Variants in NFATC2 observed in about 807,000 individuals in gnomAD.
NFATC2 encodes the protein nuclear factor of activated T-cells, cytoplasmic 2.
A neutral mutation model predicts 87.3 loss-of-function variants in NFATC2; 22 were observed. That is an observed-to-expected ratio of 0.25 (90% CI 0.18 to 0.36). The LOEUF is 0.36. Among genes scored for constraint, NFATC2 ranks in the 10% least tolerant of loss-of-function variants. The pLI is 1.00. For missense variants in NFATC2, 1,149 were observed against 1,259.1 expected (o/e 0.91, Z 1.32); for synonymous variants, 565 against 542.2 (o/e 1.04, Z -0.58).
intron 3 of NFATC2, among the ~76,000 whole-genome samples, chr20:51,503,647 G>C (rs1444108874): frequency 6.6e-6 from 1 of 152,190 alleles, no homozygotes; most frequent in African/African-American, 2.4e-5. Flanking sequence ...ATGCTTGGGG[G>C]TGTCAACAGC....
At position 51,524,113 on chromosome 20, in the gene NFATC2, G is replaced by A. The variant is rs749527703; in HGVS notation, c.131-3C>T. On this transcript the variant is annotated splice_polypyrimidine_tract_variant and splice_region_variant and intron_variant, in intron 1 of 10. Coordinates refer to ENST00000371564, the MANE Select transcript of NFATC2 (RefSeq NM_012340.5). This position sits in a 1 kb window ranked among gnomAD's most constrained non-coding sequence, Gnocchi z 4.0. ...GACCTTATGTGCATTCGGCTCTTCTGGAAAGAGAAGGGGGAAGGGGGTTCT... is the reference window on the plus strand; with the variant it reads ...GACCTTATGTGCATTCGGCTCTTCTAGAAAGAGAAGGGGGAAGGGGGTTCT... 1.4e-6 allele frequency: 2 copies of A among 1,451,008 alleles called. No individual in the cohort carries two copies. The highest frequency in any genetic ancestry group is 3.2e-5 in the South Asian group (2 of 61,932). 89.9% of individuals were successfully genotyped at this position (1,451,008 alleles called of 1,614,324 possible). A position where few individuals can be genotyped will look rare whatever the true frequency, so the allele number is the denominator to read the frequency against.
chr20:51,522,041 G>A lies in NFATC2; in HGVS notation c.1160+1040C>T, dbSNP rs1007194884. On this transcript the variant is annotated intron_variant, in intron 2 of 10. Transcript: ENST00000371564. ...GTATTCTAAGGTATGATCATCTAGA[G>A]ATGATGTAATGTATATGGGAGGATG... is the stretch of plus-strand genomic sequence containing the variant. Among the ~76,000 whole-genome samples the A allele has an allele frequency of 3.9e-5, 6 of 152,176 alleles. No homozygotes were observed. The East Asian group carries it at 1.2e-3, about 29-fold the overall frequency.
At chr20:51,392,681 A>G (rs868066024) in intron 10 of NFATC2, among the ~76,000 whole-genome samples, 1 of 152,110 alleles carries the variant, frequency 6.6e-6, no homozygotes, top group Non-Finnish European at 1.5e-5. Flanking sequence ...CCTGGTTCTG[A>G]CACTGAATTC....
At chr20:51,557,244 A>G (rs1339944861) in intron 1 of NFATC2, among the ~76,000 whole-genome samples, 1 of 152,192 alleles carries the variant, frequency 6.6e-6, no homozygotes, top group African/African-American at 2.4e-5. Context: ...CTTAGGGTAC[A>G]CATCCAGTAG....
intron 9 of NFATC2, among the ~76,000 whole-genome samples, chr20:51,403,073 G>C (rs1008718628): frequency 6.6e-6 from 1 of 152,242 alleles, no homozygotes; most frequent in South Asian, 2.1e-4. Flanking sequence ...ACATTCTCCC[G>C]AAGCCCAACT....
Position 51,523,666 on chromosome 20 carries a change from G to T in NFATC2, c.575C>A (p.Ser192Ter). ...TFSPYTSPCV[S>*]PNNGGPDDLC... ...GTCGTCGGGCCCGCCGTTATTGGGC[G>T]AGACGCAGGGCGAGGTGTAGGGGGA... is the stretch of plus-strand genomic sequence containing the variant. The change falls in exon 2 of 11, where the codon TCG becomes TAG. Residue 192 changes from serine to a stop codon, truncating the protein, a stop_gained. Coordinates refer to ENST00000371564, the MANE Select transcript of NFATC2 (RefSeq NM_012340.5). LOFTEE classifies it high-confidence loss of function. The surrounding 1 kb of genome is among the most constrained non-coding windows in gnomAD (Gnocchi z 6.9). The T allele has an allele frequency of 6.2e-7, 1 of 1,613,892 alleles. No homozygotes were observed. Among genetic ancestry groups the T allele is most frequent in the Non-Finnish European group, 8.5e-7 (1 of 1,179,862 alleles).
chr20:51,465,195 C>A (rs576298040), intron 5 of NFATC2, among the ~76,000 whole-genome samples: 4 of 152,100 alleles, frequency 2.6e-5, no homozygotes, highest in Non-Finnish European at 4.4e-5. Context: ...TGAGACCAGC[C>A]TGGCCAACAT....
At chr20:51,415,420 A>G (rs1267070623) in intron 9 of NFATC2, among the ~76,000 whole-genome samples, 2 of 152,148 alleles carry the variant, frequency 1.3e-5, no homozygotes, top group Non-Finnish European at 2.9e-5. Context: ...CGCAGCAGGT[A>G]TCTGGATGGA....
At chr20:51,542,322 G>A (rs1404817504) in intron 1 of NFATC2, 48 bp downstream of exon 1, 2 of 1,579,852 alleles carry the variant, frequency 1.3e-6, no homozygotes, top group Non-Finnish European at 1.7e-6. Context: ...CCCCAGGCCT[G>A]AGCCCCTGGC....
chr20:51,477,239 G>A (rs1003624106), intron 3 of NFATC2, among the ~76,000 whole-genome samples: 5 of 152,070 alleles, frequency 3.3e-5, no homozygotes, highest in African/African-American at 4.8e-5. Flanking sequence ...TCTAGGACAC[G>A]CTGTTGAAAA....
At chr20:51,414,327 G>A (rs1979723530) in intron 9 of NFATC2, among the ~76,000 whole-genome samples, 1 of 152,224 alleles carries the variant, frequency 6.6e-6, no homozygotes, top group Admixed American at 6.5e-5. Flanking sequence ...TTCAAGGCAA[G>A]AGAGAAACCC....
At chr20:51,475,350 A>AG in intron 4 of NFATC2, 108 bp downstream of exon 4, 1 of 1,031,816 alleles carries the variant, frequency 9.7e-7, no homozygotes, top group Non-Finnish European at 1.5e-6. Flanking sequence ...AACTGCCATC[A>AG]ACAGCTGCTT....
intron 3 of NFATC2, among the ~76,000 whole-genome samples, chr20:51,504,571 G>C (rs2076145382): frequency 6.6e-6 from 1 of 152,184 alleles, no homozygotes; most frequent in Admixed American, 6.5e-5. Flanking sequence ...AACACCACCT[G>C]TTCCTCAAAA....
At chr20:51,430,485 C>T (rs540309112) in intron 9 of NFATC2, among the ~76,000 whole-genome samples, 1 of 152,344 alleles carries the variant, frequency 6.6e-6, no homozygotes, top group Non-Finnish European at 1.5e-5. Flanking sequence ...TTTAACTCAA[C>T]CTGTGCTTGA....
intron 9 of NFATC2, among the ~76,000 whole-genome samples, chr20:51,427,623 C>T (rs1045343483): frequency 6.6e-6 from 1 of 152,194 alleles, no homozygotes; most frequent in Non-Finnish European, 1.5e-5. Context: ...TCAAACCACG[C>T]TGCACTGCTG....
rs386393961 is a variant in NFATC2, at chr20:51,410,209, C to CAAAA, written c.2723-11483_2723-11480dup. On this transcript the variant is annotated intron_variant, in intron 9 of 10. Transcript: ENST00000371564. ...TGGGCGACAGAGCGAGACTCTGTCT[C>CAAAA]AAAAAAAAAAAAAAAAAAAGCGAAA... is the stretch of plus-strand genomic sequence containing the variant. 7.2e-3 allele frequency among the ~76,000 whole-genome samples: 746 copies of CAAAA among 103,026 alleles called. 28 individuals are homozygous for CAAAA. Among genetic ancestry groups the CAAAA allele is most frequent in the African/African-American group, 0.028 (690 of 24,466 alleles). 67.6% of individuals were successfully genotyped at this position (103,026 alleles called of 152,430 possible).
intron 3 of NFATC2, among the ~76,000 whole-genome samples, chr20:51,500,734 T>C (rs1460376981): frequency 2.7e-5 from 1 of 36,704 alleles, no homozygotes; most frequent in Non-Finnish European, 4.8e-5. Context: ...GCCCTCACCC[T>C]CACCAACCCC....
intron 3 of NFATC2, among the ~76,000 whole-genome samples, chr20:51,485,413 C>T (rs952676301): frequency 1.3e-5 from 2 of 152,234 alleles, no homozygotes; most frequent in African/African-American, 4.8e-5. Context: ...AACCCAGCCA[C>T]GGGCTCCCTA....
chr20:51,521,045 G>A (rs1293897797), intron 2 of NFATC2, among the ~76,000 whole-genome samples: 3 of 152,188 alleles, frequency 2.0e-5, no homozygotes, highest in African/African-American at 7.2e-5. Flanking sequence ...CGCATATTCT[G>A]TCCACACTGA....
Sources: allele counts gnomAD v4.1 joint callset (sites outside exome capture counted in the v4.1 genomes callset), GRCh38; gene constraint gnomAD v4.1.1; non-coding constraint Gnocchi (gnomAD v3.1); transcripts MANE v1.5; gene names NCBI Gene and HGNC (gene_info 2026-07-23, HGNC 2026-07-21).